Variants in CADM2 observed in about 807,000 individuals in gnomAD.
CADM2 encodes the protein cell adhesion molecule 2, also known as immunoglobulin superfamily member 4D.
In CADM2, 12 loss-of-function variants were observed where a neutral mutation model predicts 49.8. The observed-to-expected ratio is 0.24, with a 90% CI of 0.15 to 0.39. The LOEUF (loss-of-function observed/expected upper bound fraction) is 0.39. Ranked by LOEUF, CADM2 falls within the 10% of genes least tolerant of loss-of-function variation. The probability of loss-of-function intolerance (pLI) is 1.00; values close to 1 mark genes in which losing one functional copy is unlikely to be tolerated. For missense variants in CADM2, 378 were observed against 492.3 expected, an observed-to-expected ratio of 0.77 and a Z score of 2.20; for synonymous variants, 214 against 175.4, an observed-to-expected ratio of 1.22 and a Z score of -1.74.
At chr3:85,521,238 G>T (rs1035406208) in intron 1 of CADM2, among the ~76,000 whole-genome samples, 1 of 152,062 alleles carries the variant, frequency 6.6e-6, no homozygotes, top group Non-Finnish European at 1.5e-5. Context: ...AGCTTTGGAT[G>T]TGCCACAGTA....
At chr3:85,276,631 T>A (rs2043363378) in intron 1 of CADM2, among the ~76,000 whole-genome samples, 1 of 151,240 alleles carries the variant, frequency 6.6e-6, no homozygotes, top group Non-Finnish European at 1.5e-5. Context: ...AATGTAAATG[T>A]AAGTAATATA....
intron 3 of CADM2, among the ~76,000 whole-genome samples, chr3:85,818,383 C>T (rs1232411245): frequency 2.0e-5 from 3 of 152,152 alleles, no homozygotes; most frequent in Non-Finnish European, 4.4e-5. Context: ...CGACAAACAG[C>T]AGCATAAAGT....
At chr3:85,629,736 C>T (rs1300151651) in intron 1 of CADM2, among the ~76,000 whole-genome samples, 1 of 151,928 alleles carries the variant, frequency 6.6e-6, no homozygotes, top group Non-Finnish European at 1.5e-5. Flanking sequence ...ATAAGTCAGC[C>T]AAGGTCTAGA....
At chr3:85,295,702 A>ACACCGCATATTCT in intron 1 of CADM2, among the ~76,000 whole-genome samples, 1 of 150,912 alleles carries the variant, frequency 6.6e-6, no homozygotes, top group Admixed American at 6.6e-5. Flanking sequence ...AAAAAACCAA[A>ACACCGCATATTCT]CACTCACAGG....
At chr3:85,108,003 G>A (rs1481083435) in intron 1 of CADM2, among the ~76,000 whole-genome samples, 2 of 152,038 alleles carry the variant, frequency 1.3e-5, no homozygotes, top group South Asian at 2.1e-4. Flanking sequence ...ATCATGGTAG[G>A]CAGTATGACT....
chr3:85,557,642 T>C (rs2061994054), intron 1 of CADM2, among the ~76,000 whole-genome samples: 1 of 152,060 alleles, frequency 6.6e-6, no homozygotes, highest in Non-Finnish European at 1.5e-5. Context: ...GTAATCATAG[T>C]TTTACACTGT....
intron 1 of CADM2, among the ~76,000 whole-genome samples, chr3:85,165,432 G>T (rs961434289): frequency 6.6e-6 from 1 of 151,790 alleles, no homozygotes; most frequent in Non-Finnish European, 1.5e-5. Context: ...TTTAAAAATT[G>T]CTCCTAATGT....
chr3:85,136,341 G>A (rs905029957), intron 1 of CADM2, among the ~76,000 whole-genome samples: 29 of 151,810 alleles, frequency 1.9e-4, no homozygotes, highest in Middle Eastern at 3.4e-3. Context: ...AGTAATGTGT[G>A]TGTGTGTGTG....
chr3:85,326,509 A>C (rs1300096400), intron 1 of CADM2, among the ~76,000 whole-genome samples: 3 of 152,174 alleles, frequency 2.0e-5, no homozygotes, highest in African/African-American at 7.2e-5. Flanking sequence ...TATAGATTAA[A>C]TCTATAAACG....
intron 2 of CADM2, among the ~76,000 whole-genome samples, chr3:85,734,505 A>C (rs892202217): frequency 6.7e-6 from 1 of 150,332 alleles, no homozygotes; most frequent in African/African-American, 2.4e-5. Flanking sequence ...TTATATATAT[A>C]TAATTTGACA....
chr3:85,356,454 G>T (rs1187949323), intron 1 of CADM2, among the ~76,000 whole-genome samples: 1 of 152,074 alleles, frequency 6.6e-6, no homozygotes, highest in Non-Finnish European at 1.5e-5. Context: ...TTCAGGGTCA[G>T]TCCATGCAGA....
intron 2 of CADM2, chr3:85,800,476 G>C (rs1268597836): frequency 6.4e-6 from 1 of 155,702 alleles, no homozygotes; most frequent in African/African-American, 2.4e-5. Flanking sequence ...CCTGCAGCTA[G>C]CTCAGTGTCT....
intron 1 of CADM2, among the ~76,000 whole-genome samples, chr3:85,479,290 A>C (rs534502807): frequency 6.6e-6 from 1 of 151,858 alleles, no homozygotes; most frequent in South Asian, 2.1e-4. Context: ...TGTTGGGGAA[A>C]CTCCCATTTA....
chr3:85,679,731 G>A (rs757797241), intron 1 of CADM2, among the ~76,000 whole-genome samples: 3 of 152,120 alleles, frequency 2.0e-5, no homozygotes, highest in Non-Finnish European at 2.9e-5. Context: ...CAGGCTGCCC[G>A]GGGCTGCACT....
chr3:85,055,579 T>C (rs1576126099), intron 1 of CADM2, among the ~76,000 whole-genome samples: 3 of 152,096 alleles, frequency 2.0e-5, no homozygotes, highest in Non-Finnish European at 4.4e-5. Flanking sequence ...ATGTCCATTA[T>C]TGAGCTTTTA....
At chr3:85,568,730 G>A (rs1002014762) in intron 1 of CADM2, among the ~76,000 whole-genome samples, 1 of 149,904 alleles carries the variant, frequency 6.7e-6, no homozygotes, top group African/African-American at 2.5e-5. Context: ...AGCCTCCCGA[G>A]TAGCTAGGAT....
At chr3:85,365,299 C>A (rs985160379) in intron 1 of CADM2, among the ~76,000 whole-genome samples, 21 of 147,358 alleles carry the variant, frequency 1.4e-4, no homozygotes, top group African/African-American at 5.2e-4. Context: ...TGGAAGAGGG[C>A]TTTTCTCTTT....
At chr3:85,407,579 T>C (rs945022297) in intron 1 of CADM2, among the ~76,000 whole-genome samples, 2 of 152,284 alleles carry the variant, frequency 1.3e-5, no homozygotes, top group East Asian at 3.9e-4. Context: ...CATTTCTGCA[T>C]GACTTTTTGC....
At chr3:85,217,953 G>T (rs2041964647) in intron 1 of CADM2, among the ~76,000 whole-genome samples, 1 of 151,676 alleles carries the variant, frequency 6.6e-6, no homozygotes. Flanking sequence ...AAATAACTTT[G>T]TTGTATATTT....
Sources: allele counts gnomAD v4.1 joint callset (sites outside exome capture counted in the v4.1 genomes callset), GRCh38; gene constraint gnomAD v4.1.1; transcripts MANE v1.5; gene names NCBI Gene and HGNC (gene_info 2026-07-23, HGNC 2026-07-21).